Variants in SCLT1 observed in about 807,000 individuals in gnomAD.
SCLT1 encodes the protein sodium channel and clathrin linker 1.
SCLT1 carries 78 observed loss-of-function variants against 112.8 expected under a neutral mutation model. The observed-to-expected ratio is 0.69, with a 90% confidence interval of 0.58 to 0.83. The LOEUF is 0.83. Ranked by LOEUF, SCLT1 falls within the 40% of genes least tolerant of loss-of-function variation. The pLI is 0.00. For synonymous variants in SCLT1, 257 were observed against 254.7 expected (o/e 1.01, Z -0.09); for missense variants, 747 against 770.4 (o/e 0.97, Z 0.36).
intron 11 of SCLT1, among the ~76,000 whole-genome samples, chr4:128,964,346 A>T (rs146270450): frequency 6.6e-6 from 1 of 152,336 alleles, no homozygotes; most frequent in African/African-American, 2.4e-5. Flanking sequence ...ACATGACACC[A>T]ACTGATGATG....
At chr4:129,044,765 G>T (rs74910140) in intron 2 of SCLT1, among the ~76,000 whole-genome samples, 2,641 of 135,890 alleles carry the variant, frequency 0.019, 97 homozygotes, top group African/African-American at 0.069. Context: ...TATAAAACTT[G>T]ATCTTAAATA....
At chr4:129,028,701 T>G (rs1290920126) in intron 5 of SCLT1, among the ~76,000 whole-genome samples, 1 of 152,022 alleles carries the variant, frequency 6.6e-6, no homozygotes, top group African/African-American at 2.4e-5. Context: ...CTAAAGAGCT[T>G]CTGCACAGCA....
At chr4:129,050,647 T>C (rs1280805227) in intron 2 of SCLT1, among the ~76,000 whole-genome samples, 1 of 152,212 alleles carries the variant, frequency 6.6e-6, no homozygotes, top group African/African-American at 2.4e-5. Flanking sequence ...GTCAGATGGG[T>C]AGCTTGCAAA....
intron 5 of SCLT1, among the ~76,000 whole-genome samples, chr4:129,016,903 T>A (rs1425968344): frequency 6.6e-6 from 1 of 152,224 alleles, no homozygotes; most frequent in Admixed American, 6.5e-5. Flanking sequence ...CTAGTTTTTC[T>A]CAGAAGAAGC....
At chr4:129,048,392 T>G (rs1397574631) in intron 2 of SCLT1, among the ~76,000 whole-genome samples, 2 of 151,672 alleles carry the variant, frequency 1.3e-5, no homozygotes, top group Non-Finnish European at 2.9e-5. Context: ...GATTCCCTAT[T>G]TAATAAATGG....
At chr4:128,987,741 C>T (rs1469619525) in intron 9 of SCLT1, among the ~76,000 whole-genome samples, 4 of 151,930 alleles carry the variant, frequency 2.6e-5, no homozygotes, top group South Asian at 4.1e-4. Flanking sequence ...AGAGGATGTA[C>T]TAAGAGAGAT....
At chr4:129,026,877 T>C (rs990917856) in intron 5 of SCLT1, among the ~76,000 whole-genome samples, 6 of 152,272 alleles carry the variant, frequency 3.9e-5, no homozygotes, top group South Asian at 2.1e-4. Context: ...ATATCACCAC[T>C]GATCTCACAG....
At chr4:128,877,249 T>G (rs970216848) in intron 3 of SCLT1, among the ~76,000 whole-genome samples, 2 of 152,180 alleles carry the variant, frequency 1.3e-5, no homozygotes, top group African/African-American at 4.8e-5. Flanking sequence ...CACTATTATC[T>G]CCAATTTACA....
intron 4 of SCLT1, chr4:129,041,914 T>C (rs1747733146): frequency 6.6e-6 from 1 of 152,084 alleles, no homozygotes; most frequent in Non-Finnish European, 1.5e-5. Context: ...ACCTGGCTAA[T>C]TTTTGTATTT....
At chr4:128,909,287 G>A (rs1734919126) in intron 18 of SCLT1, among the ~76,000 whole-genome samples, 1 of 152,040 alleles carries the variant, frequency 6.6e-6, no homozygotes, top group Non-Finnish European at 1.5e-5. Context: ...GTCTCGCTCT[G>A]TCACTCAGGC....
chr4:129,041,831 T>G (rs1747725892), intron 4 of SCLT1: 1 of 152,324 alleles, frequency 6.6e-6, no homozygotes, highest in Admixed American at 6.5e-5. Context: ...CTGCAGCCTC[T>G]GCCTCCCAAG....
chr4:129,028,339 A>G (rs1223377099), intron 5 of SCLT1, among the ~76,000 whole-genome samples: 1 of 152,154 alleles, frequency 6.6e-6, no homozygotes, highest in Non-Finnish European at 1.5e-5. Flanking sequence ...ATATAGATCA[A>G]TGGAACAGAA....
At chr4:128,986,419 C>T (rs560917377) in intron 9 of SCLT1, among the ~76,000 whole-genome samples, 3 of 152,160 alleles carry the variant, frequency 2.0e-5, no homozygotes, top group African/African-American at 7.2e-5. Context: ...GACTGCAGTC[C>T]TAAGGCAAGC....
At chr4:129,054,895 C>A (rs1489150838) in intron 2 of SCLT1, among the ~76,000 whole-genome samples, 2 of 152,120 alleles carry the variant, frequency 1.3e-5, no homozygotes, top group Non-Finnish European at 2.9e-5. Context: ...GATTTATCTA[C>A]GTGGTGGATT....
intron 4 of SCLT1, chr4:129,039,322 G>A (rs1747466453): frequency 5.1e-6 from 2 of 392,796 alleles, no homozygotes; most frequent in African/African-American, 4.2e-5. Context: ...AATATTTTAT[G>A]TAACATGGTG....
chr4:129,046,035 A>G (rs939150271), intron 2 of SCLT1, among the ~76,000 whole-genome samples: 2 of 152,158 alleles, frequency 1.3e-5, no homozygotes, highest in South Asian at 2.1e-4. Context: ...AAAGGAAGAT[A>G]ATCAATACTG....
At chr4:129,056,370 C>T (rs1303881917) in intron 2 of SCLT1, among the ~76,000 whole-genome samples, 1 of 152,104 alleles carries the variant, frequency 6.6e-6, no homozygotes, top group East Asian at 1.9e-4. Context: ...GTCTATGTGT[C>T]TATTTTTATG....
At chr4:128,881,212 G>A (rs1200711405), downstream of SCLT1, among the ~76,000 whole-genome samples, 2 of 152,018 alleles carry the variant, frequency 1.3e-5, no homozygotes, top group African/African-American at 4.8e-5. Context: ...TTATGTGTAT[G>A]TATGTATGTT....
At chr4:129,069,703 G>C (rs570308973) in intron 2 of SCLT1, among the ~76,000 whole-genome samples, 3 of 152,272 alleles carry the variant, frequency 2.0e-5, no homozygotes, top group South Asian at 2.1e-4. Context: ...TCAGCAAACA[G>C]TGACAGTTTC....
Sources: gnomAD v4.1 joint callset for allele counts (sites outside exome capture counted in the v4.1 genomes callset) on GRCh38, gnomAD v4.1.1 for gene constraint, MANE v1.5 for transcripts, NCBI Gene and HGNC (gene_info 2026-07-23, HGNC 2026-07-21) for gene names.